FOXK1: variants seen among roughly 807,000 people sequenced by gnomAD.
FOXK1 encodes forkhead box protein K1.
FOXK1 carries 19 observed loss-of-function variants against 51.9 expected under a neutral mutation model. The observed-to-expected ratio is 0.37, with a 90% CI of 0.26 to 0.54. The LOEUF (loss-of-function observed/expected upper bound fraction) is 0.54, where lower values mean the gene tolerates loss of function less well. Ranked by LOEUF, FOXK1 falls within the 20% of genes least tolerant of loss-of-function variation. FOXK1 has a pLI of 0.87. For missense variants in FOXK1, 870 were observed against 1,032.7 expected (o/e 0.84, Z 2.16); for synonymous variants, 537 against 482.6 (o/e 1.11, Z -1.48).
At chr7:4,741,522 G>A (rs186129513) in intron 2 of FOXK1, among the ~76,000 whole-genome samples, 66 of 152,184 alleles carry the variant, frequency 4.3e-4, no homozygotes, top group African/African-American at 1.4e-3. Context: ...GTAGAGACGG[G>A]GTTTCACGAT....
At chr7:4,757,874 A>G (rs1314704830) in intron 5 of FOXK1, 2 of 152,066 alleles carry the variant, frequency 1.3e-5, no homozygotes, top group Non-Finnish European at 2.9e-5. Context: ...CCGAGGGGTG[A>G]CTGCTGGTTT....
At position 4,746,146 on chromosome 7, in the gene FOXK1, C is replaced by T. The variant is rs78633435; in HGVS notation, c.746+5123C>T. 6.0e-3 allele frequency among the ~76,000 whole-genome samples: 913 copies of T among 152,242 alleles called. 9 individuals carry two copies. Among genetic ancestry groups the T allele is most frequent in the African/African-American group, 0.021 (868 of 41,536 alleles). ...GTGGAGATCAAAAATGAAAGTAACTCGTACAATTCGGCGAAGGTCAGCAGT... is the reference window on the plus strand; with the variant it reads ...GTGGAGATCAAAAATGAAAGTAACTTGTACAATTCGGCGAAGGTCAGCAGT... On this transcript the variant is annotated intron_variant, in intron 2 of 8. Transcript: ENST00000328914.
chr7:4,757,437 A>G (rs1179093346), intron 5 of FOXK1, among the ~76,000 whole-genome samples: 6 of 152,052 alleles, frequency 3.9e-5, no homozygotes, highest in Non-Finnish European at 1.5e-5. Context: ...AGACCAGCCT[A>G]GCCAACATGG....
rs1291623774 is a variant in FOXK1, at chr7:4,722,194, C to G, written c.561-18644C>G. On this transcript the variant is annotated intron_variant, in intron 1 of 8. Transcript: ENST00000328914. This position sits in a 1 kb window ranked among gnomAD's most constrained non-coding sequence, Gnocchi z 5.1. Reference sequence around the variant, plus strand: ...GGAGGTGTCTGTGTCTCAGCAGATGCTGGATTTCACGTCCACGGCCGCCTG... The same window carrying G: ...GGAGGTGTCTGTGTCTCAGCAGATGGTGGATTTCACGTCCACGGCCGCCTG... 1.3e-5 allele frequency among the ~76,000 whole-genome samples: 2 copies of G among 152,188 alleles called. No homozygotes were observed. The highest frequency in any genetic ancestry group is 2.9e-5 in the Non-Finnish European group (2 of 68,034).
chr7:4,727,507 G>A (rs995637315), intron 1 of FOXK1, among the ~76,000 whole-genome samples: 15 of 152,000 alleles, frequency 9.9e-5, no homozygotes, highest in Admixed American at 5.2e-4. Context: ...GTAGAGACCC[G>A]TTTCACCATG....
Position 4,729,081 on chromosome 7 carries a change from G to A in FOXK1, c.561-11757G>A, listed in dbSNP as rs1372308159. Among the ~76,000 whole-genome samples the A allele has an allele frequency of 6.6e-6, 1 of 152,248 alleles. No homozygotes were observed. The highest frequency in any genetic ancestry group is 1.5e-5 in the Non-Finnish European group (1 of 68,048). The stretch of plus-strand genomic sequence containing the variant: ...AAGCTCTGCCCGGGTCAGCCCCAGA[G>A]GGTTGCAGAACACTGTGTCTGTGTC... On this transcript the variant is annotated intron_variant, in intron 1 of 8. Coordinates refer to ENST00000328914, the MANE Select transcript of FOXK1 (RefSeq NM_001037165.2). This position sits in a 1 kb window ranked among gnomAD's most constrained non-coding sequence, Gnocchi z 6.2.
At chr7:4,687,057 C>T (rs551636665) in intron 1 of FOXK1, among the ~76,000 whole-genome samples, 3 of 150,894 alleles carry the variant, frequency 2.0e-5, no homozygotes, top group South Asian at 2.1e-4. Flanking sequence ...CTCAGCCTCC[C>T]GAGTACCTGG....
chr7:4,701,647 C>T lies in FOXK1; in HGVS notation c.560+18779C>T, dbSNP rs374485773. Among the ~76,000 whole-genome samples the T allele has an allele frequency of 5.3e-5, 8 of 152,340 alleles. No individual in the cohort carries two copies. The East Asian group carries it at 1.2e-3, about 22-fold the overall frequency. ...GTGGCTCACGCCTGTAATCCCAGCA[C>T]TTTGGGAGGTCGAGGCGGGCGGATT... On this transcript the variant is annotated intron_variant, in intron 1 of 8. Transcript: ENST00000328914.
At chr7:4,691,415 G>T (rs1779889479) in intron 1 of FOXK1, among the ~76,000 whole-genome samples, 1 of 152,260 alleles carries the variant, frequency 6.6e-6, no homozygotes, top group Middle Eastern at 3.4e-3. Flanking sequence ...GCTCACTGCA[G>T]CCTCCGCCTC....
rs993449444 is a variant in FOXK1, at chr7:4,730,120, A to T, written c.561-10718A>T. On this transcript the variant is annotated intron_variant, in intron 1 of 8. Transcript: ENST00000328914. The surrounding 1 kb of genome is among the most constrained non-coding windows in gnomAD (Gnocchi z 4.7). Reference sequence around the variant, plus strand: ...TATCTCGCTGTCTTTTCTTTTTCCAAATAGGACATGCTTATTTGCCTGATT... The same window carrying T: ...TATCTCGCTGTCTTTTCTTTTTCCATATAGGACATGCTTATTTGCCTGATT... Among the ~76,000 whole-genome samples, 3 of 152,214 alleles carry T rather than the reference A, an allele frequency of 2.0e-5. No homozygotes were observed. Among genetic ancestry groups the T allele is most frequent in the Admixed American group, 2.0e-4 (3 of 15,276 alleles).
rs925024131 is a variant in FOXK1, at chr7:4,733,855, G to T, written c.561-6983G>T. Reference sequence around the variant, plus strand: ...GGAGCCTTTCCCTGGTCTTTAGTCCGGCTGACATCCTCTCTCTGGCCGTCA... The same window carrying T: ...GGAGCCTTTCCCTGGTCTTTAGTCCTGCTGACATCCTCTCTCTGGCCGTCA... On this transcript the variant is annotated intron_variant, in intron 1 of 8. Transcript: ENST00000328914. The surrounding 1 kb of genome is among the most constrained non-coding windows in gnomAD (Gnocchi z 5.0). 6.6e-6 allele frequency among the ~76,000 whole-genome samples: 1 copy of T among 152,206 alleles called. No homozygotes were observed. Among genetic ancestry groups the T allele is most frequent in the Non-Finnish European group, 1.5e-5 (1 of 68,036 alleles).
intron 2 of FOXK1, among the ~76,000 whole-genome samples, chr7:4,742,405 G>A (rs1780646840): frequency 1.3e-5 from 2 of 152,084 alleles, no homozygotes; most frequent in East Asian, 3.9e-4. Context: ...TGCAGCTGTA[G>A]GAGAAGAAAG....
chr7:4,748,057 T>C lies in FOXK1; in HGVS notation c.747-6402T>C, dbSNP rs1300013459. Among the ~76,000 whole-genome samples, 1 of 152,238 alleles carries C rather than the reference T, an allele frequency of 6.6e-6. No individual in the cohort carries two copies. Among genetic ancestry groups the C allele is most frequent in the Admixed American group, 6.5e-5 (1 of 15,276 alleles). On this transcript the variant is annotated intron_variant, in intron 2 of 8. Transcript: ENST00000328914. This position sits in a 1 kb window ranked among gnomAD's most constrained non-coding sequence, Gnocchi z 4.9. ...ATTTATCTTAAAGGAACACATTCTT[T>C]AAGATCATTCTAAGAAATTCGCCTC... is the stretch of plus-strand genomic sequence containing the variant.
chr7:4,686,858 TG>T (rs1779825074), intron 1 of FOXK1, among the ~76,000 whole-genome samples: 1 of 144,394 alleles, frequency 6.9e-6, no homozygotes, highest in African/African-American at 2.6e-5. Context: ...TCTTCGGTTA[TG>T]GGGAGGGGGG....
chr7:4,736,342 C>T (rs996895531), intron 1 of FOXK1, among the ~76,000 whole-genome samples: 1 of 151,904 alleles, frequency 6.6e-6, no homozygotes, highest in African/African-American at 2.4e-5. Context: ...AGATCCCTGC[C>T]TGTCCTATAA....
Position 4,729,727 on chromosome 7 carries a change from C to A in FOXK1, c.561-11111C>A, listed in dbSNP as rs567536038. ...AACCCTGGCCGGGTGCAGCAGCTCA[C>A]GCCTGTAATCCCAGCACTTTGGGAG... On this transcript the variant is annotated intron_variant, in intron 1 of 8. Transcript: ENST00000328914. This position sits in a 1 kb window ranked among gnomAD's most constrained non-coding sequence, Gnocchi z 6.2. 1.3e-4 allele frequency among the ~76,000 whole-genome samples: 20 copies of A among 152,310 alleles called. 2 individuals carry two copies. The South Asian group carries it at 4.1e-3, about 32-fold the overall frequency.
Position 4,750,500 on chromosome 7 carries a change from T to C in FOXK1, c.747-3959T>C, listed in dbSNP as rs541621330. ...CTCTGTCGCCCAGGCTGGAGTGCAG[T>C]GGCACGATCTCTGCTCACTGCAAGC... On this transcript the variant is annotated intron_variant, in intron 2 of 8. Coordinates refer to ENST00000328914, the MANE Select transcript of FOXK1 (RefSeq NM_001037165.2). 2.6e-4 allele frequency among the ~76,000 whole-genome samples: 39 copies of C among 151,882 alleles called. No individual in the cohort carries two copies. In the South Asian group the frequency reaches 2.7e-3, roughly 11 times the overall value.
In FOXK1 at chr7:4,703,103, G is replaced by A. The variant is rs775982365; in HGVS notation, c.560+20235G>A. On this transcript the variant is annotated intron_variant, in intron 1 of 8. Transcript: ENST00000328914. The surrounding 1 kb of genome is among the most constrained non-coding windows in gnomAD (Gnocchi z 5.6). ...TGCTGGGTGAGAGTGCCTCTGTGTCGGGGGCTGGGCTGGGCTGGGCTGGAC... is the reference window on the plus strand; with the variant it reads ...TGCTGGGTGAGAGTGCCTCTGTGTCAGGGGCTGGGCTGGGCTGGGCTGGAC... 8.5e-5 allele frequency among the ~76,000 whole-genome samples: 13 copies of A among 152,278 alleles called. No individual in the cohort carries two copies. The highest frequency in any genetic ancestry group is 2.2e-4 in the African/African-American group (9 of 41,548).
intron 1 of FOXK1, among the ~76,000 whole-genome samples, chr7:4,725,839 A>G (rs1266416241): frequency 3.9e-5 from 6 of 152,186 alleles, no homozygotes; most frequent in African/African-American, 1.4e-4. Flanking sequence ...GTAGGGAGCC[A>G]GGGGCACATG....
Sources: allele counts gnomAD v4.1 joint callset (sites outside exome capture counted in the v4.1 genomes callset), GRCh38; gene constraint gnomAD v4.1.1; non-coding constraint Gnocchi (gnomAD v3.1); transcripts MANE v1.5; gene names NCBI Gene and HGNC (gene_info 2026-07-23, HGNC 2026-07-21).